The following SLC9C1 variants were observed in gnomAD, a reference collection of about 807,000 sequenced individuals.
SLC9C1 encodes the protein sodium/hydrogen exchanger 10.
SLC9C1 carries 97 observed loss-of-function variants against 140.9 expected under a neutral mutation model. The observed-to-expected ratio is 0.69, with a 90% CI of 0.58 to 0.82. SLC9C1 has a LOEUF of 0.82. SLC9C1 is among the 40% of genes least tolerant of loss of function. The pLI is 0.00. For missense variants in SLC9C1, 1,340 were observed against 1,389.3 expected, an observed-to-expected ratio of 0.96 and a Z score of 0.56; for synonymous variants, 440 against 442.6, an observed-to-expected ratio of 0.99 and a Z score of 0.07.
intron 10 of SLC9C1, among the ~76,000 whole-genome samples, chr3:112,248,497 T>A (rs1292992617): frequency 2.6e-5 from 4 of 152,214 alleles, no homozygotes; most frequent in African/African-American, 9.6e-5. Context: ...ATGTTTTTGA[T>A]GCCATTATTA....
intron 27 of SLC9C1, among the ~76,000 whole-genome samples, chr3:112,153,748 G>T (rs944564387): frequency 4.6e-5 from 7 of 152,146 alleles, no homozygotes; most frequent in Admixed American, 2.6e-4. Context: ...AAAATTTGCC[G>T]AAGGTCACGT....
At chr3:112,255,902 C>T (rs1160799952) in intron 10 of SLC9C1, among the ~76,000 whole-genome samples, 2 of 152,028 alleles carry the variant, frequency 1.3e-5, no homozygotes, top group African/African-American at 4.8e-5. Flanking sequence ...GTGTATGCTA[C>T]CACTGACCCC....
chr3:112,221,180 C>A lies in SLC9C1; in HGVS notation c.1618G>T (p.Ala540Ser). The A allele has an allele frequency of 1.9e-6, 3 of 1,613,636 alleles. No individual in the cohort carries two copies. The highest frequency in any genetic ancestry group is 2.5e-6 in the Non-Finnish European group (3 of 1,179,710). The change falls in exon 14 of 29, where the codon GCT (alanine) becomes TCT (serine). Residue 540 changes from alanine to serine, a missense_variant. Ala to Ser is a moderately conservative substitution (Grantham distance 99). Transcript: ENST00000305815. ...QYRNEILSQSAVQVLVGAAES... is the reference protein window; with the variant it reads ...QYRNEILSQSSVQVLVGAAES... Reference sequence around the variant, plus strand: ...GCTGCACCAACCAACACCTGGACAGCACTCTGGGACAGAATCTCATTCCTG... The same window carrying A: ...GCTGCACCAACCAACACCTGGACAGAACTCTGGGACAGAATCTCATTCCTG...
intron 23 of SLC9C1, among the ~76,000 whole-genome samples, chr3:112,178,674 G>A (rs1327335491): frequency 1.3e-5 from 2 of 152,120 alleles, no homozygotes; most frequent in Admixed American, 1.3e-4. Context: ...CATCATGCCT[G>A]GTTGTCCCAT....
At chr3:112,181,071 T>TA (rs34445100) in intron 21 of SLC9C1, among the ~76,000 whole-genome samples, 12 of 152,220 alleles carry the variant, frequency 7.9e-5, no homozygotes, top group Non-Finnish European at 1.6e-4. Context: ...TTTGCATTTT[T>TA]AAAAAAAGTT....
At chr3:112,175,428 A>T (rs1327834394) in intron 23 of SLC9C1, among the ~76,000 whole-genome samples, 1 of 152,168 alleles carries the variant, frequency 6.6e-6, no homozygotes, top group African/African-American at 2.4e-5. Context: ...AAGGAATGGG[A>T]TCAGAGACCT....
intron 10 of SLC9C1, among the ~76,000 whole-genome samples, chr3:112,245,026 C>T (rs1576434625): frequency 6.6e-6 from 1 of 152,164 alleles, no homozygotes; most frequent in African/African-American, 2.4e-5. Context: ...AACTCTCAAT[C>T]CTATCAAGAT....
rs554243739 is a variant in SLC9C1, at chr3:112,216,728, G to T, written c.1790+714C>A. 2.6e-5 allele frequency among the ~76,000 whole-genome samples: 4 copies of T among 152,346 alleles called. No homozygotes were observed. The South Asian group carries it at 8.3e-4, about 32-fold the overall frequency. ...CAACAGGTGCTGGAGAGGATGTGGA[G>T]AAATAGGAACACATTTACACTGTTT... On this transcript the variant is annotated intron_variant, in intron 15 of 28. Coordinates refer to ENST00000305815, the MANE Select transcript of SLC9C1 (RefSeq NM_183061.3).
chr3:112,202,496 A>T (rs1255943625), intron 17 of SLC9C1, 97 bp from the exon 18 acceptor site: 2 of 1,260,934 alleles, frequency 1.6e-6, no homozygotes, highest in Non-Finnish European at 2.2e-6. Context: ...TAAGAAATTA[A>T]GTGCCCTCAA....
Position 112,278,787 on chromosome 3 carries a change from A to G in SLC9C1, c.260T>C (p.Val87Ala), listed in dbSNP as rs746692629. 2.5e-6 allele frequency: 4 copies of G among 1,611,202 alleles called. No homozygotes were observed. The Admixed American group carries it at 5.0e-5, about 20-fold the overall frequency. ...DLFFRIFTPV[V>A]FFTTAFDMDT... ...CATGTCAAATGCAGTAGTAAAGAAA[A>G]CTACTGGTGTAAATATACGAAAAAA... Residue 87 changes from valine to alanine, a missense_variant, in exon 4 of 29, where the codon GTT becomes GCT. Transcript: ENST00000305815.
At chr3:112,182,755 C>G (rs1008027803) in intron 20 of SLC9C1, among the ~76,000 whole-genome samples, 9 of 152,176 alleles carry the variant, frequency 5.9e-5, no homozygotes, top group Non-Finnish European at 1.2e-4. Context: ...TAGAATCCTC[C>G]TTTATGTTCT....
At chr3:112,183,375 C>A (rs2077478144) in intron 20 of SLC9C1, among the ~76,000 whole-genome samples, 2 of 38,188 alleles carry the variant, frequency 5.2e-5, no homozygotes, top group South Asian at 5.4e-4. Context: ...TTTTTTCAGC[C>A]AATCACAAAA....
rs183315659 is a variant in SLC9C1 at position 112,143,596 on chromosome 3, T to G, written c.3525-2315A>C. Among the ~76,000 whole-genome samples the G allele has an allele frequency of 3.0e-3, 450 of 152,306 alleles. 1 individual carries two copies. The highest frequency in any genetic ancestry group is 5.4e-3 in the Non-Finnish European group (368 of 68,016). ...TTTTAATGGGGTTGTTTTTTGCTTG[T>G]TCAATTGTTTAAGTTCTTTATGGAT... is the stretch of plus-strand genomic sequence containing the variant. On this transcript the variant is annotated intron_variant, in intron 28 of 28. Transcript: ENST00000305815.
chr3:112,169,368 C>A lies in SLC9C1; in HGVS notation c.2920-40G>T, dbSNP rs1161218751. On this transcript the variant is annotated intron_variant, in intron 23 of 28. Coordinates refer to ENST00000305815, the MANE Select transcript of SLC9C1 (RefSeq NM_183061.3). Reference sequence around the variant, plus strand: ...TGTAAATTTGATATTTTATTTTGTGCACTATGGTTTAAGGAATAAAGTTTT... The same window carrying A: ...TGTAAATTTGATATTTTATTTTGTGAACTATGGTTTAAGGAATAAAGTTTT... 2.5e-6 allele frequency: 4 copies of A among 1,580,780 alleles called. No homozygotes were observed. The African/African-American group carries it at 5.4e-5, about 22-fold the overall frequency.
At chr3:112,255,400 C>T (rs2079576908) in intron 10 of SLC9C1, among the ~76,000 whole-genome samples, 1 of 151,928 alleles carries the variant, frequency 6.6e-6, no homozygotes, top group Non-Finnish European at 1.5e-5. Context: ...GATCACAGCA[C>T]AATAAAAACA....
At chr3:112,218,182 T>C (rs1160868949) in intron 14 of SLC9C1, among the ~76,000 whole-genome samples, 1 of 151,912 alleles carries the variant, frequency 6.6e-6, no homozygotes, top group Non-Finnish European at 1.5e-5. Flanking sequence ...AGGTTTTTTT[T>C]TTTTTTTTTA....
intron 2 of SLC9C1, among the ~76,000 whole-genome samples, chr3:112,282,852 T>G (rs1559751704): frequency 1.3e-5 from 2 of 152,360 alleles, no homozygotes; most frequent in Admixed American, 6.5e-5. Context: ...TCCTTGAATA[T>G]TCACCCTTTA....
At chr3:112,232,202 C>T (rs1422499368) in intron 12 of SLC9C1, among the ~76,000 whole-genome samples, 1 of 152,156 alleles carries the variant, frequency 6.6e-6, no homozygotes, top group African/African-American at 2.4e-5. Context: ...GTCATTTGAT[C>T]CTCTGCCTTC....
chr3:112,254,516 T>TC lies in SLC9C1; in HGVS notation c.1197+8407_1197+8408insG, dbSNP rs1006899111. Among the ~76,000 whole-genome samples the TC allele has an allele frequency of 4.2e-5, 4 of 95,324 alleles. No homozygotes were observed. The Admixed American group carries it at 5.1e-4, about 12-fold the overall frequency. The allele number at this position is 95,324 out of a possible 152,430, so 62.5% of individuals were successfully genotyped here. ...CTTCCTAAGTGAACATGAAATAAATTTTTTTTATTTCAGATAAGCAAATAC... is the reference window on the plus strand; with the variant it reads ...CTTCCTAAGTGAACATGAAATAAATTCTTTTTTATTTCAGATAAGCAAATAC... On this transcript the variant is annotated intron_variant, in intron 10 of 28. Transcript: ENST00000305815.
Sources: allele counts gnomAD v4.1 joint callset (sites outside exome capture counted in the v4.1 genomes callset), GRCh38; gene constraint gnomAD v4.1.1; transcripts MANE v1.5; gene names NCBI Gene and HGNC (gene_info 2026-07-23, HGNC 2026-07-21).